The following CR1 variants were observed in gnomAD, a reference collection of about 807,000 sequenced individuals.
CR1 encodes complement C3b/C4b receptor 1 (Knops blood group).
A neutral mutation model predicts 187.3 loss-of-function variants in CR1; 116 were observed. The ratio of observed to expected loss-of-function variants is 0.62; its 90% CI spans 0.53 to 0.72. The LOEUF (loss-of-function observed/expected upper bound fraction) is 0.72, where lower values mean the gene tolerates loss of function less well. Ranked by LOEUF, CR1 falls within the 30% of genes least tolerant of loss-of-function variation. The pLI is 0.00. For synonymous variants in CR1, 576 were observed against 747.1 expected (o/e 0.77, Z 3.73); for missense variants, 1,731 against 2,110.7 (o/e 0.82, Z 3.52).
intron 40 of CR1, among the ~76,000 whole-genome samples, chr1:207,616,151 T>C (rs1662087857): frequency 1.3e-5 from 2 of 152,208 alleles, no homozygotes; most frequent in Non-Finnish European, 2.9e-5. Flanking sequence ...TTGCTAAAGA[T>C]GATAGCTCAT....
rs575886171 is a variant in CR1 at position 207,525,522 on chromosome 1, T to A, written c.887-1231T>A. Among the ~76,000 whole-genome samples the A allele has an allele frequency of 3.9e-4, 59 of 151,912 alleles. No individual in the cohort carries two copies. In the Middle Eastern group the frequency reaches 0.014, roughly 35 times the overall value. ...TCATTGGCATCGTTACAATTGAAGC[T>A]GTAGCTACTCACTGAAGCCATCTAT... On this transcript the variant is annotated intron_variant, in intron 5 of 46. Coordinates refer to ENST00000367049, the MANE Select transcript of CR1 (RefSeq NM_000651.6).
intron 4 of CR1, 53 bp from the exon 5 acceptor site, chr1:207,523,558 T>A: frequency 6.2e-7 from 1 of 1,608,128 alleles, no homozygotes; most frequent in Non-Finnish European, 8.5e-7. Flanking sequence ...ATGAGATTTC[T>A]GTCATTCATT....
chr1:207,576,893 A>G (rs923909230), intron 28 of CR1, among the ~76,000 whole-genome samples: 6 of 152,220 alleles, frequency 3.9e-5, no homozygotes, highest in Non-Finnish European at 8.8e-5. Context: ...TTCTATATAG[A>G]GAGAACTAGA....
rs563380034 is a variant in CR1 at position 207,612,127 on chromosome 1, A to T, written c.6575+86A>T. ...AGGGGTTAATCCAATTAAGGAGCTG[A>T]CCTAGTAGATAAGAAGTACCCAGAG... On this transcript the variant is annotated intron_variant, in intron 39 of 46. Coordinates refer to ENST00000367049, the MANE Select transcript of CR1 (RefSeq NM_000651.6). The T allele has an allele frequency of 4.6e-5, 62 of 1,356,662 alleles. No homozygotes were observed. The African/African-American group carries it at 6.5e-4, about 14-fold the overall frequency. 84.0% of individuals were successfully genotyped at this position (1,356,662 alleles called of 1,614,324 possible). A position where few individuals can be genotyped will look rare whatever the true frequency, so the allele number is the denominator to read the frequency against.
In CR1 at chr1:207,496,463, G is replaced by T; in HGVS notation, c.121+75G>T. On this transcript the variant is annotated intron_variant, in intron 1 of 46. Transcript: ENST00000367049. ...GGGCCCCGCAGAGAACTCGCGTGCA[G>T]CGCTGAGCTGCGCTGCTCTGCGCGC... is the stretch of plus-strand genomic sequence containing the variant. 3.5e-6 allele frequency: 5 copies of T among 1,420,188 alleles called. No homozygotes were observed. The South Asian group carries it at 6.7e-5, about 19-fold the overall frequency. 88.0% of individuals were successfully genotyped at this position (1,420,188 alleles called of 1,614,324 possible). A position where few individuals can be genotyped will look rare whatever the true frequency, so the allele number is the denominator to read the frequency against.
At chr1:207,605,224 C>G (rs944363142) in intron 35 of CR1, among the ~76,000 whole-genome samples, 1 of 146,836 alleles carries the variant, frequency 6.8e-6, no homozygotes, top group Non-Finnish European at 1.5e-5. Context: ...CACATCACTG[C>G]ACTCCAGCCT....
At chr1:207,499,781 C>A (rs1659209988) in intron 1 of CR1, among the ~76,000 whole-genome samples, 1 of 152,140 alleles carries the variant, frequency 6.6e-6, no homozygotes, top group South Asian at 2.1e-4. Flanking sequence ...GCTTTCTGTG[C>A]TTTGTGGTGT....
At position 207,616,694 on chromosome 1, in the gene CR1, A is replaced by G; in HGVS notation, c.6781A>G (p.Met2261Val). The change falls in exon 41 of 47, where the codon ATG becomes GTG. Residue 2261 changes from methionine (M) to valine (V), a missense_variant. Around this residue, in one of 5 missense-constraint regions of CR1, gnomAD observed 1,312 missense variants for 1,379.6 expected, o/e 0.95. Transcript: ENST00000367049. ...ATGCGACACCCACCCAGACAGAGGG[A>G]TGACCTTCAACCTCATTGGGGAGAG... The part of the protein sequence containing the change: ...YACDTHPDRG[M>V]TFNLIGESSI... The G allele has an allele frequency of 6.2e-7, 1 of 1,613,928 alleles. No individual in the cohort carries two copies. Among genetic ancestry groups the G allele is most frequent in the Non-Finnish European group, 8.5e-7 (1 of 1,179,882 alleles).
chr1:207,566,245 T>G (rs1290462789), intron 24 of CR1, among the ~76,000 whole-genome samples: 4 of 150,002 alleles, frequency 2.7e-5, no homozygotes, highest in Non-Finnish European at 1.5e-5. Flanking sequence ...CTTTTTTCTC[T>G]TCCTTCCATC....
intron 25 of CR1, 58 bp downstream of exon 25, chr1:207,568,100 C>T (rs1365167864): frequency 6.2e-7 from 1 of 1,610,372 alleles, no homozygotes; most frequent in East Asian, 2.2e-5. Flanking sequence ...CCAGCCCCTC[C>T]ATATTTCCAT....
chr1:207,633,348 CTCTA>C (rs1328405032), intron 46 of CR1, among the ~76,000 whole-genome samples: 3 of 152,288 alleles, frequency 2.0e-5, no homozygotes, highest in Admixed American at 2.0e-4. Context: ...CTGCAATAAT[CTCTA>C]TCTAGTAGTA....
chr1:207,576,179 C>A (rs7520577), intron 28 of CR1, among the ~76,000 whole-genome samples: 1 of 152,184 alleles, frequency 6.6e-6, no homozygotes, highest in Admixed American at 6.5e-5. Context: ...TGAGCAATTG[C>A]AAGCTAACAG....
intron 1 of CR1, among the ~76,000 whole-genome samples, chr1:207,497,843 C>G (rs1659138520): frequency 6.6e-6 from 1 of 152,104 alleles, no homozygotes; most frequent in African/African-American, 2.4e-5. Context: ...AAATGTGAAA[C>G]AGCCTAAACT....
chr1:207,600,340 A>C (rs566737568), intron 35 of CR1, among the ~76,000 whole-genome samples: 1 of 152,294 alleles, frequency 6.6e-6, no homozygotes, highest in Admixed American at 6.5e-5. Flanking sequence ...TAAGTGAACA[A>C]ATAATCACAT....
chr1:207,568,333 G>A (rs1571541502), intron 25 of CR1, among the ~76,000 whole-genome samples: 1 of 117,670 alleles, frequency 8.5e-6, no homozygotes, highest in Middle Eastern at 3.8e-3. Flanking sequence ...GAAATGTTTG[G>A]TTTAGAAATC....
intron 4 of CR1, among the ~76,000 whole-genome samples, chr1:207,515,539 A>G (rs1477568401): frequency 6.6e-6 from 1 of 152,026 alleles, no homozygotes; most frequent in Non-Finnish European, 1.5e-5. Context: ...TTTATATTAA[A>G]GGAATCAAAA....
intron 42 of CR1, among the ~76,000 whole-genome samples, chr1:207,619,047 A>AG (rs1207469343): frequency 1.5e-5 from 2 of 136,046 alleles, no homozygotes; most frequent in Non-Finnish European, 1.7e-5. Context: ...AAAAAAAAAA[A>AG]AAAAAAAAGA....
chr1:207,584,312 C>T (rs1661045083), intron 32 of CR1, among the ~76,000 whole-genome samples: 1 of 152,106 alleles, frequency 6.6e-6, no homozygotes, highest in Admixed American at 6.5e-5. Context: ...CAAAAACATG[C>T]TTGTTGAATT....
At chr1:207,575,152 A>G (rs1201190953) in intron 27 of CR1, among the ~76,000 whole-genome samples, 1 of 152,044 alleles carries the variant, frequency 6.6e-6, no homozygotes, top group Non-Finnish European at 1.5e-5. Flanking sequence ...CAAAAGCAAC[A>G]AATCTTGTAT....
Sources: gnomAD v4.1 joint callset for allele counts (sites outside exome capture counted in the v4.1 genomes callset) on GRCh38, gnomAD v4.1.1 for gene constraint, gnomAD v4.1.1 regional missense constraint, MANE v1.5 for transcripts, NCBI Gene and HGNC (gene_info 2026-07-23, HGNC 2026-07-21) for gene names.